The following OCA2 variants were observed in gnomAD, a reference collection of about 807,000 sequenced individuals.
The protein encoded by OCA2 is OCA2 melanosomal transmembrane protein.
In OCA2, 77 loss-of-function variants were observed where a neutral mutation model predicts 100.2. That is an observed-to-expected ratio of 0.77 (90% CI 0.64 to 0.93). The LOEUF (loss-of-function observed/expected upper bound fraction) is 0.93, where lower values mean the gene tolerates loss of function less well. OCA2 is among the 40% of genes least tolerant of loss of function. OCA2 has a pLI of 0.00. For synonymous variants in OCA2, 432 were observed against 439.2 expected (o/e 0.98, Z 0.21); for missense variants, 1,062 against 1,089.1 (o/e 0.98, Z 0.35).
chr15:28,081,973 T>A, intron 1 of OCA2, 78 bp from the exon 2 acceptor site: 1 of 1,200,150 alleles, frequency 8.3e-7, no homozygotes, highest in African/African-American at 1.5e-5. Context: ...GTCCGTACAA[T>A]AGGAAGGTTG....
chr15:27,945,816 T>C (rs568295827), intron 18 of OCA2, among the ~76,000 whole-genome samples: 2 of 152,182 alleles, frequency 1.3e-5, no homozygotes, highest in East Asian at 3.9e-4. Context: ...GAACTAATTA[T>C]CAAAGGAGGA....
chr15:27,970,249 C>T (rs117845341), intron 14 of OCA2, among the ~76,000 whole-genome samples: 7,022 of 152,014 alleles, frequency 0.046, 248 homozygotes, highest in South Asian at 0.13. Flanking sequence ...AAACGAAGAC[C>T]CCTGAGCCCA....
At chr15:27,761,371 C>A (rs1199255724) in intron 23 of OCA2, among the ~76,000 whole-genome samples, 1 of 151,356 alleles carries the variant, frequency 6.6e-6, no homozygotes, top group Non-Finnish European at 1.5e-5. Context: ...AACACTTAGG[C>A]ATAAACTTAA....
the OCA2 span, among the ~76,000 whole-genome samples, chr15:27,739,009 G>A: frequency 6.6e-6 from 1 of 152,106 alleles, no homozygotes; most frequent in African/African-American, 2.4e-5. Context: ...CTGAGGCACA[G>A]AGACCAGTGT....
chr15:27,907,244 A>T (rs1382668561), intron 19 of OCA2, among the ~76,000 whole-genome samples: 1 of 152,224 alleles, frequency 6.6e-6, no homozygotes, highest in African/African-American at 2.4e-5. Context: ...AAAACAAAAA[A>T]CAGAAAGGTC....
intron 19 of OCA2, among the ~76,000 whole-genome samples, chr15:27,883,194 C>T (rs1180490258): frequency 6.6e-6 from 1 of 152,114 alleles, no homozygotes; most frequent in Non-Finnish European, 1.5e-5. Flanking sequence ...TGCCACCATG[C>T]CACTACATGA....
intron 18 of OCA2, among the ~76,000 whole-genome samples, chr15:27,949,218 T>C (rs1205928334): frequency 6.6e-6 from 1 of 152,236 alleles, no homozygotes; most frequent in Non-Finnish European, 1.5e-5. Flanking sequence ...TTATATGAAA[T>C]TACATTGTTA....
the OCA2 span, among the ~76,000 whole-genome samples, chr15:27,742,534 T>A: frequency 5.0e-4 from 76 of 152,240 alleles, no homozygotes; most frequent in African/African-American, 1.6e-3. Context: ...GGCAGAGCTG[T>A]GGCCGGTAAG....
intron 9 of OCA2, among the ~76,000 whole-genome samples, chr15:28,000,263 T>C (rs1190884185): frequency 6.6e-6 from 1 of 152,116 alleles, no homozygotes; most frequent in African/African-American, 2.4e-5. Context: ...CAAAGAGATA[T>C]ATAGACCAAT....
rs1470526281 is a variant in OCA2 at position 27,845,054 on chromosome 15, T to G, written c.2339-2A>C. 1 of 1,612,804 alleles carries G rather than the reference T, an allele frequency of 6.2e-7. No individual in the cohort carries two copies. ...ACGCGCCAATCAGTGTCCCGTTACC[T>G]AAAGTCAAAATTTAAAAACAAAATC... On this transcript the variant is annotated splice_acceptor_variant, in intron 22 of 23. Coordinates refer to ENST00000354638, the MANE Select transcript of OCA2 (RefSeq NM_000275.3). LOFTEE classifies it high-confidence loss of function.
intron 19 of OCA2, among the ~76,000 whole-genome samples, chr15:27,920,131 G>A (rs1400387773): frequency 1.3e-5 from 2 of 152,028 alleles, no homozygotes; most frequent in Admixed American, 1.3e-4. Context: ...ACTGTAAATG[G>A]AATAGACATA....
intron 23 of OCA2, among the ~76,000 whole-genome samples, chr15:27,818,925 G>T (rs545866262): frequency 6.6e-6 from 1 of 152,258 alleles, no homozygotes; most frequent in Non-Finnish European, 1.5e-5. Context: ...TACTGCATGT[G>T]CAGGTGTCGC....
At chr15:27,847,483 C>T (rs1460471248) in intron 22 of OCA2, among the ~76,000 whole-genome samples, 1 of 152,152 alleles carries the variant, frequency 6.6e-6, no homozygotes, top group African/African-American at 2.4e-5. Flanking sequence ...TCTTATTGGT[C>T]AGCAAAATGA....
chr15:27,886,165 G>A (rs2037215930), intron 19 of OCA2, among the ~76,000 whole-genome samples: 1 of 152,216 alleles, frequency 6.6e-6, no homozygotes, highest in Admixed American at 6.5e-5. Flanking sequence ...CCAGCCCCCT[G>A]AGGCAGGAAA....
chr15:27,872,473 C>G, intron 19 of OCA2, among the ~76,000 whole-genome samples: 1 of 152,112 alleles, frequency 6.6e-6, no homozygotes, highest in Admixed American at 6.5e-5. Flanking sequence ...AGATGAGACG[C>G]AGGAGCCTTC....
chr15:27,851,772 T>C (rs1258110555), intron 21 of OCA2, among the ~76,000 whole-genome samples: 1 of 152,088 alleles, frequency 6.6e-6, no homozygotes, highest in Non-Finnish European at 1.5e-5. Context: ...CCTGAGAACA[T>C]GGCCATTAAA....
At chr15:28,066,742 C>A (rs553147812) in intron 2 of OCA2, among the ~76,000 whole-genome samples, 1 of 152,246 alleles carries the variant, frequency 6.6e-6, no homozygotes, top group African/African-American at 2.4e-5. Context: ...AGTCTAGCAC[C>A]TTTTAAAGGT....
At chr15:28,082,239 A>G (rs1253034283) in intron 1 of OCA2, among the ~76,000 whole-genome samples, 1 of 152,182 alleles carries the variant, frequency 6.6e-6, no homozygotes, top group African/African-American at 2.4e-5. Flanking sequence ...TGTAAAATGG[A>G]CCAATCAGCA....
chr15:27,760,851 A>G (rs891519328), intron 23 of OCA2, among the ~76,000 whole-genome samples: 9 of 152,110 alleles, frequency 5.9e-5, no homozygotes, highest in Non-Finnish European at 1.2e-4. Context: ...ATATTTAAAG[A>G]ACTAACACTA....
Sources: gnomAD v4.1 joint callset for allele counts (sites outside exome capture counted in the v4.1 genomes callset) on GRCh38, gnomAD v4.1.1 for gene constraint, MANE v1.5 for transcripts, NCBI Gene and HGNC (gene_info 2026-07-23, HGNC 2026-07-21) for gene names.